SCLT1: variants seen among roughly 807,000 people sequenced by gnomAD.
SCLT1 encodes sodium channel and clathrin linker 1, also known as sodium channel-associated protein 1.
In SCLT1, 78 loss-of-function variants were observed where a neutral mutation model predicts 112.8. The observed-to-expected ratio is 0.69, with a 90% CI of 0.58 to 0.83. The LOEUF is 0.83. Among genes scored for constraint, SCLT1 ranks in the 40% least tolerant of loss-of-function variants. SCLT1 has a pLI of 0.00. For missense variants in SCLT1, 747 were observed against 770.4 expected (o/e 0.97, Z 0.36); for synonymous variants, 257 against 254.7 (o/e 1.01, Z -0.09).
chr4:128,973,780 T>C (rs1740910829), intron 9 of SCLT1, among the ~76,000 whole-genome samples: 1 of 152,208 alleles, frequency 6.6e-6, no homozygotes, highest in African/African-American at 2.4e-5. Flanking sequence ...ACATTCATAT[T>C]ATATTATGTT....
intron 7 of SCLT1, among the ~76,000 whole-genome samples, chr4:128,998,615 G>A (rs1301836988): frequency 1.3e-5 from 2 of 151,666 alleles, no homozygotes; most frequent in Non-Finnish European, 3.0e-5. Flanking sequence ...CAACCTTGTG[G>A]GCTTAGTTGA....
chr4:128,977,055 T>G (rs1741238770), intron 9 of SCLT1, among the ~76,000 whole-genome samples: 1 of 152,204 alleles, frequency 6.6e-6, no homozygotes, highest in Admixed American at 6.5e-5. Context: ...ATGATAGTTC[T>G]GTCTCTCTCT....
At chr4:129,066,481 T>C (rs1410734661) in intron 2 of SCLT1, among the ~76,000 whole-genome samples, 1 of 151,994 alleles carries the variant, frequency 6.6e-6, no homozygotes, top group Non-Finnish European at 1.5e-5. Context: ...AGAATGAAAA[T>C]TATTGCAACC....
rs571964917 is a variant in SCLT1, at chr4:129,081,822, C to T, written c.102+484G>A. 1.1e-4 allele frequency among the ~76,000 whole-genome samples: 16 copies of T among 152,272 alleles called. No homozygotes were observed. In the East Asian group the frequency reaches 1.7e-3, roughly 17 times the overall value. On this transcript the variant is annotated intron_variant, in intron 2 of 20. Transcript: ENST00000281142. Reference sequence around the variant, plus strand: ...TCTATAGAGAGTCACCACTAATCTACGAGCCATTACCTTCCTTTTAATATT... The same window carrying T: ...TCTATAGAGAGTCACCACTAATCTATGAGCCATTACCTTCCTTTTAATATT...
At chr4:129,070,255 G>A (rs1490650482) in intron 2 of SCLT1, among the ~76,000 whole-genome samples, 2 of 152,092 alleles carry the variant, frequency 1.3e-5, no homozygotes, top group East Asian at 3.9e-4. Context: ...TGATAATAGT[G>A]TGATGCTGGC....
intron 2 of SCLT1, among the ~76,000 whole-genome samples, chr4:129,055,486 G>A (rs1467680244): frequency 6.6e-6 from 1 of 152,166 alleles, no homozygotes; most frequent in African/African-American, 2.4e-5. Flanking sequence ...CTATGAACAT[G>A]AATCTAGAGA....
Position 128,884,462 on chromosome 4 carries a change from G to A in SCLT1, c.*15C>T, listed in dbSNP as rs752765160. 1 of 1,534,856 alleles carries A rather than the reference G, an allele frequency of 6.5e-7. No homozygotes were observed. The highest frequency in any genetic ancestry group is 1.1e-5 in the South Asian group (1 of 89,348). ...TTCCCAACTCTAAAGTTCTGTGAGT[G>A]AACTATGAATATTTTTAAATATTTT... is the stretch of plus-strand genomic sequence containing the variant. On this transcript the variant is annotated 3_prime_UTR_variant, in exon 21 of 21. Coordinates refer to ENST00000281142, the MANE Select transcript of SCLT1 (RefSeq NM_144643.4).
intron 1 of SCLT1, among the ~76,000 whole-genome samples, chr4:129,082,957 C>T (rs919505353): frequency 4.6e-5 from 7 of 151,806 alleles, no homozygotes; most frequent in Non-Finnish European, 1.0e-4. Flanking sequence ...TTTGGGAGGC[C>T]GAGGCAGATG....
At chr4:129,038,625 C>A (rs1195651833) in intron 5 of SCLT1, among the ~76,000 whole-genome samples, 1 of 152,090 alleles carries the variant, frequency 6.6e-6, no homozygotes. Context: ...GATAGATGCA[C>A]CAGCACTGGC....
chr4:128,951,524 C>A (rs1411741880), intron 14 of SCLT1, among the ~76,000 whole-genome samples: 1 of 152,104 alleles, frequency 6.6e-6, no homozygotes, highest in Non-Finnish European at 1.5e-5. Flanking sequence ...GAAGTCTTAG[C>A]CAGTCCTTGT....
intron 14 of SCLT1, among the ~76,000 whole-genome samples, chr4:128,949,779 T>C (rs950634478): frequency 2.0e-5 from 3 of 152,202 alleles, no homozygotes; most frequent in Admixed American, 6.5e-5. Flanking sequence ...CAGTCTATCA[T>C]TGTTGGACAT....
chr4:128,888,810 A>G (rs751828834), intron 19 of SCLT1, 36 bp from the exon 20 acceptor site: 29 of 1,257,454 alleles, frequency 2.3e-5, no homozygotes, highest in Non-Finnish European at 3.4e-5. Context: ...TTAGAAATCC[A>G]TATGTGACAT....
intron 8 of SCLT1, among the ~76,000 whole-genome samples, chr4:128,994,696 A>C (rs536238932): frequency 2.4e-4 from 36 of 152,088 alleles, no homozygotes; most frequent in Non-Finnish European, 4.3e-4. Flanking sequence ...TTGTTTTGAT[A>C]ATAATCCCTC....
At chr4:129,032,464 G>A (rs1400510286) in intron 5 of SCLT1, among the ~76,000 whole-genome samples, 1 of 152,112 alleles carries the variant, frequency 6.6e-6, no homozygotes, top group South Asian at 2.1e-4. Context: ...AAAAGCAATT[G>A]CAACAAAAGC....
At chr4:129,082,557 T>C (rs1160035865) in intron 1 of SCLT1, among the ~76,000 whole-genome samples, 184 bp from the exon 2 acceptor site, 1 of 151,980 alleles carries the variant, frequency 6.6e-6, no homozygotes, top group African/African-American at 2.4e-5. Context: ...CTTTTATATA[T>C]CTAAGCCAAC....
At chr4:129,003,631 T>C in intron 6 of SCLT1, 110 bp downstream of exon 6, 1 of 900,740 alleles carries the variant, frequency 1.1e-6, no homozygotes, top group Non-Finnish European at 1.6e-6. Flanking sequence ...CTGTAAAAAA[T>C]CATAATGTTA....
chr4:129,081,724 G>C (rs1751955361), intron 2 of SCLT1, among the ~76,000 whole-genome samples: 1 of 152,076 alleles, frequency 6.6e-6, no homozygotes, highest in Non-Finnish European at 1.5e-5. Context: ...TTTGGGCGGG[G>C]ACACAGATCC....
chr4:129,064,960 G>A (rs1191899126), intron 2 of SCLT1, among the ~76,000 whole-genome samples: 1 of 152,060 alleles, frequency 6.6e-6, no homozygotes, highest in African/African-American at 2.4e-5. Flanking sequence ...TATTTTTGTT[G>A]AGTTCAGTGT....
intron 5 of SCLT1, among the ~76,000 whole-genome samples, chr4:129,017,934 T>A (rs1745133181): frequency 6.6e-6 from 1 of 152,256 alleles, no homozygotes; most frequent in South Asian, 2.1e-4. Context: ...AGAAATGGTT[T>A]GCTACATTGG....
Sources: gnomAD v4.1 joint callset for allele counts (sites outside exome capture counted in the v4.1 genomes callset) on GRCh38, gnomAD v4.1.1 for gene constraint, MANE v1.5 for transcripts, NCBI Gene and HGNC (gene_info 2026-07-23, HGNC 2026-07-21) for gene names.